Variants in ZNF804A observed in about 807,000 individuals in gnomAD.
ZNF804A encodes the protein zinc finger protein 804A.
A neutral mutation model predicts 16.5 loss-of-function variants in ZNF804A; 2 were observed. That is an observed-to-expected ratio of 0.12 (90% CI 0.05 to 0.38). The LOEUF (loss-of-function observed/expected upper bound fraction) is 0.38. Ranked by LOEUF, ZNF804A falls within the 10% of genes least tolerant of loss-of-function variation. The probability of loss-of-function intolerance (pLI) is 0.99; values close to 1 mark genes in which losing one functional copy is unlikely to be tolerated. For synonymous variants in ZNF804A, 534 were observed against 489.6 expected (o/e 1.09, Z -1.20); for missense variants, 1,473 against 1,390.7 (o/e 1.06, Z -0.94).
intron 1 of ZNF804A, among the ~76,000 whole-genome samples, chr2:184,682,869 A>T (rs1387650751): frequency 1.3e-5 from 2 of 152,068 alleles, no homozygotes; most frequent in African/African-American, 4.8e-5. Context: ...TTAACCCAGC[A>T]TGGTGGTGTA....
intron 1 of ZNF804A, among the ~76,000 whole-genome samples, chr2:184,829,001 T>C (rs1326192487): frequency 6.6e-6 from 1 of 151,874 alleles, no homozygotes; most frequent in Admixed American, 6.6e-5. Flanking sequence ...TCAAAATTTT[T>C]TGTTAGTATG....
chr2:184,678,512 T>C (rs1282991278), intron 1 of ZNF804A, among the ~76,000 whole-genome samples: 2 of 152,094 alleles, frequency 1.3e-5, no homozygotes, highest in Non-Finnish European at 2.9e-5. Context: ...TTGAAAGACA[T>C]AAGAGAACAA....
intron 1 of ZNF804A, among the ~76,000 whole-genome samples, chr2:184,855,398 T>C (rs567880317): frequency 1.3e-5 from 2 of 152,184 alleles, no homozygotes; most frequent in African/African-American, 4.8e-5. Context: ...AAAGATGGAC[T>C]TGATGAAAAC....
chr2:184,878,699 T>C (rs886372346), intron 2 of ZNF804A, among the ~76,000 whole-genome samples: 1 of 152,068 alleles, frequency 6.6e-6, no homozygotes, highest in African/African-American at 2.4e-5. Flanking sequence ...AACATGAAGG[T>C]AATTTATTTA....
intron 1 of ZNF804A, among the ~76,000 whole-genome samples, chr2:184,694,272 GT>G (rs1692784278): frequency 6.6e-6 from 1 of 151,894 alleles, no homozygotes; most frequent in African/African-American, 2.4e-5. Flanking sequence ...AGTTCCTAAA[GT>G]AACATCTTCT....
chr2:184,716,774 TG>T (rs1693221288), intron 1 of ZNF804A, among the ~76,000 whole-genome samples: 1 of 152,146 alleles, frequency 6.6e-6, no homozygotes, highest in African/African-American at 2.4e-5. Context: ...TTAGTTGGTT[TG>T]TGTGTGTGTA....
intron 2 of ZNF804A, among the ~76,000 whole-genome samples, chr2:184,928,184 G>A (rs1285329057): frequency 2.0e-5 from 3 of 152,116 alleles, no homozygotes; most frequent in African/African-American, 7.2e-5. Flanking sequence ...GGGCTCTTCA[G>A]TTAGCAAGTG....
chr2:184,601,128 A>C lies in ZNF804A; in HGVS notation c.111+2058A>C, dbSNP rs527864877. 9.2e-5 allele frequency among the ~76,000 whole-genome samples: 14 copies of C among 152,210 alleles called. No homozygotes were observed. In the East Asian group the frequency reaches 2.5e-3, roughly 27 times the overall value. ...GATTTGCACTGACTGAAAAGAAGTA[A>C]ATTTTCATATATGATGTGAATATAT... is the stretch of plus-strand genomic sequence containing the variant. On this transcript the variant is annotated intron_variant, in intron 1 of 3. Transcript: ENST00000302277.
chr2:184,795,290 T>C (rs1694614488), intron 1 of ZNF804A, among the ~76,000 whole-genome samples: 2 of 152,150 alleles, frequency 1.3e-5, no homozygotes, highest in East Asian at 1.9e-4. Flanking sequence ...TGCAAATACA[T>C]GGAAATTAAA....
intron 1 of ZNF804A, among the ~76,000 whole-genome samples, chr2:184,814,499 C>G (rs964852728): frequency 2.6e-5 from 4 of 152,068 alleles, no homozygotes; most frequent in African/African-American, 9.7e-5. Context: ...AAAACCTCTG[C>G]TTCAAAGGTT....
chr2:184,732,229 G>A (rs1693532160), intron 1 of ZNF804A, among the ~76,000 whole-genome samples: 1 of 142,674 alleles, frequency 7.0e-6, no homozygotes, highest in African/African-American at 2.5e-5. Context: ...TTTGTGAAGG[G>A]TGTAAGGTTT....
chr2:184,884,462 T>A (rs1347261466), intron 2 of ZNF804A, among the ~76,000 whole-genome samples: 1 of 151,872 alleles, frequency 6.6e-6, no homozygotes, highest in Non-Finnish European at 1.5e-5. Flanking sequence ...ATAAAATTCA[T>A]ATGGAGCCAA....
At chr2:184,660,259 T>C (rs1317632825) in intron 1 of ZNF804A, among the ~76,000 whole-genome samples, 1 of 152,216 alleles carries the variant, frequency 6.6e-6, no homozygotes, top group Non-Finnish European at 1.5e-5. Context: ...AAAGTCAGAT[T>C]CAACTAGAAT....
chr2:184,907,655 A>T (rs181577093), intron 2 of ZNF804A, among the ~76,000 whole-genome samples: 3 of 152,208 alleles, frequency 2.0e-5, no homozygotes, highest in Admixed American at 2.0e-4. Context: ...TACTCCTTCA[A>T]TGGAGGATAG....
chr2:184,704,584 T>C (rs1293340758), intron 1 of ZNF804A, among the ~76,000 whole-genome samples: 1 of 152,162 alleles, frequency 6.6e-6, no homozygotes, highest in Non-Finnish European at 1.5e-5. Context: ...AATAAATTAG[T>C]CAGAGTCCTA....
intron 2 of ZNF804A, among the ~76,000 whole-genome samples, chr2:184,875,766 T>TA (rs562501754): frequency 0.076 from 9,152 of 120,262 alleles, 737 homozygotes; most frequent in African/African-American, 0.21. Flanking sequence ...TCATTGACAT[T>TA]AAAAAAAAAA....
chr2:184,845,225 A>AT (rs1376032021), intron 1 of ZNF804A, among the ~76,000 whole-genome samples: 1 of 151,740 alleles, frequency 6.6e-6, no homozygotes, highest in Non-Finnish European at 1.5e-5. Context: ...ATGATGTTTA[A>AT]TTTTTTTCTT....
chr2:184,938,743 C>G lies in ZNF804A; in HGVS notation c.3347C>G (p.Ala1116Gly), dbSNP rs1020816364. 4 of 1,608,596 alleles carry G rather than the reference C, an allele frequency of 2.5e-6. No homozygotes were observed. Among genetic ancestry groups the G allele is most frequent in the African/African-American group, 2.7e-5 (2 of 74,556 alleles). The change falls in exon 4 of 4, where the codon GCC (alanine) becomes GGC (glycine). Residue 1116 changes from alanine (A) to glycine (G), a missense_variant. Coordinates refer to ENST00000302277, the MANE Select transcript of ZNF804A (RefSeq NM_194250.2). ...GCAGCTGCTGCAGCTGCAGCTGCAG[C>G]CGCAGCTGCAGGAACCTTTAAAGTG... Reference protein sequence around the residue: ...HAAAAAAAAAAAAAGTFKVLQ... With the variant: ...HAAAAAAAAAGAAAGTFKVLQ...
At chr2:184,725,417 A>G (rs1456022848) in intron 1 of ZNF804A, among the ~76,000 whole-genome samples, 3 of 151,788 alleles carry the variant, frequency 2.0e-5, no homozygotes. Flanking sequence ...AAGTAAATAT[A>G]AAATAATATG....
Sources: gnomAD v4.1 joint callset for allele counts (sites outside exome capture counted in the v4.1 genomes callset) on GRCh38, gnomAD v4.1.1 for gene constraint, MANE v1.5 for transcripts, NCBI Gene and HGNC (gene_info 2026-07-23, HGNC 2026-07-21) for gene names.